The following MAP7 variants were observed in gnomAD, a reference collection of about 807,000 sequenced individuals.
The protein encoded by MAP7 is microtubule associated protein 7.
Under a neutral mutation model 94.8 loss-of-function variants are expected in MAP7, and 52 were observed. The observed-to-expected ratio is 0.55, with a 90% CI of 0.44 to 0.69. The LOEUF is 0.69. Ranked by LOEUF, MAP7 falls within the 30% of genes least tolerant of loss-of-function variation. The pLI, the probability that MAP7 is intolerant of heterozygous loss-of-function variation, is 0.00. For missense variants in MAP7, 940 were observed against 964.6 expected, an observed-to-expected ratio of 0.97 and a Z score of 0.34; for synonymous variants, 350 against 357.0, an observed-to-expected ratio of 0.98 and a Z score of 0.22.
At chr6:136,375,696 C>T (rs756594197) in intron 7 of MAP7, among the ~76,000 whole-genome samples, 11 of 152,230 alleles carry the variant, frequency 7.2e-5, no homozygotes, top group Non-Finnish European at 1.0e-4. Flanking sequence ...ATCGATGAAA[C>T]TGGTGACAAT....
At chr6:136,426,457 C>T (rs921697186) in intron 1 of MAP7, among the ~76,000 whole-genome samples, 1 of 152,112 alleles carries the variant, frequency 6.6e-6, no homozygotes, top group South Asian at 2.1e-4. Context: ...CAACAATAGA[C>T]CGATTCAATT....
chr6:136,505,615 C>A (rs1031577695), intron 1 of MAP7, among the ~76,000 whole-genome samples: 5 of 151,610 alleles, frequency 3.3e-5, no homozygotes, highest in Non-Finnish European at 7.4e-5. Flanking sequence ...AGGGACACAT[C>A]GAAAGGAACA....
chr6:136,517,639 A>G (rs1256109022), intron 1 of MAP7, among the ~76,000 whole-genome samples: 1 of 152,206 alleles, frequency 6.6e-6, no homozygotes, highest in African/African-American at 2.4e-5. Flanking sequence ...TTAAATATTA[A>G]TAACAGTAAT....
intron 7 of MAP7, among the ~76,000 whole-genome samples, chr6:136,373,314 C>A (rs1775135826): frequency 6.6e-6 from 1 of 152,080 alleles, no homozygotes; most frequent in Non-Finnish European, 1.5e-5. Flanking sequence ...TTCCCAAAAG[C>A]CAAGGCATTT....
At chr6:136,356,390 T>A (rs1330598438) in intron 16 of MAP7, among the ~76,000 whole-genome samples, 1 of 152,160 alleles carries the variant, frequency 6.6e-6, no homozygotes, top group African/African-American at 2.4e-5. Context: ...GGTCTAGAAC[T>A]CTCAGCCTTA....
chr6:136,454,072 C>A (rs536387006), intron 1 of MAP7, among the ~76,000 whole-genome samples: 6 of 152,008 alleles, frequency 3.9e-5, no homozygotes, highest in South Asian at 2.1e-4. Context: ...CCTTGTCTAC[C>A]GAGGAACATA....
At chr6:136,417,829 A>G (rs1790004960) in intron 2 of MAP7, among the ~76,000 whole-genome samples, 1 of 152,174 alleles carries the variant, frequency 6.6e-6, no homozygotes, top group South Asian at 2.1e-4. Flanking sequence ...CTCCTCTATG[A>G]GGGCAAATTA....
intron 15 of MAP7, among the ~76,000 whole-genome samples, chr6:136,358,603 C>T (rs1791643594): frequency 6.6e-6 from 1 of 152,178 alleles, no homozygotes; most frequent in Non-Finnish European, 1.5e-5. Flanking sequence ...TAATACTTTA[C>T]ATTTGAAAAC....
intron 1 of MAP7, among the ~76,000 whole-genome samples, chr6:136,518,088 T>C (rs999188117): frequency 1.3e-5 from 2 of 152,198 alleles, no homozygotes; most frequent in South Asian, 2.1e-4. Context: ...TGGAGGTGGC[T>C]CGAGCCTCCA....
intron 1 of MAP7, among the ~76,000 whole-genome samples, chr6:136,467,116 A>T (rs1443861988): frequency 6.6e-6 from 1 of 152,200 alleles, no homozygotes; most frequent in Non-Finnish European, 1.5e-5. Flanking sequence ...GTTGCTAAAC[A>T]TCAGCTCGGT....
intron 10 of MAP7, among the ~76,000 whole-genome samples, chr6:136,363,856 G>A (rs2128575385): frequency 6.6e-6 from 1 of 152,298 alleles, no homozygotes; most frequent in Non-Finnish European, 1.5e-5. Context: ...TGGCAACCAT[G>A]TTTAGGAATC....
At chr6:136,480,785 G>A (rs1204061701) in intron 1 of MAP7, among the ~76,000 whole-genome samples, 1 of 151,486 alleles carries the variant, frequency 6.6e-6, no homozygotes, top group East Asian at 1.9e-4. Context: ...ATCACTTCAT[G>A]TTAAAAAGCT....
At chr6:136,539,786 C>G (rs572580425) in intron 1 of MAP7, among the ~76,000 whole-genome samples, 1 of 152,250 alleles carries the variant, frequency 6.6e-6, no homozygotes, top group South Asian at 2.1e-4. Flanking sequence ...TGAAACCCGC[C>G]TGGGCAACAT....
At chr6:136,369,403 C>T (rs1178971652) in intron 8 of MAP7, among the ~76,000 whole-genome samples, 4 of 152,036 alleles carry the variant, frequency 2.6e-5, no homozygotes, top group African/African-American at 9.7e-5. Context: ...GCGAAACCCT[C>T]TCTCTACTAA....
At chr6:136,507,861 G>T (rs1469553302) in intron 1 of MAP7, among the ~76,000 whole-genome samples, 1 of 152,116 alleles carries the variant, frequency 6.6e-6, no homozygotes, top group Non-Finnish European at 1.5e-5. Context: ...ATGGGCTCTG[G>T]ACTGGCTCCA....
intron 3 of MAP7, among the ~76,000 whole-genome samples, chr6:136,400,455 T>TA (rs1222847493): frequency 1.3e-5 from 2 of 151,354 alleles, no homozygotes; most frequent in East Asian, 3.9e-4. Context: ...CAACATTTTT[T>TA]AAAAAAAGCC....
intron 1 of MAP7, among the ~76,000 whole-genome samples, chr6:136,503,004 T>C (rs1377822945): frequency 2.6e-5 from 4 of 152,178 alleles, no homozygotes; most frequent in Non-Finnish European, 5.9e-5. Context: ...AAAACCACAG[T>C]CATGGATAGC....
At chr6:136,492,015 G>T (rs1221319978) in intron 1 of MAP7, among the ~76,000 whole-genome samples, 2 of 152,284 alleles carry the variant, frequency 1.3e-5, no homozygotes, top group East Asian at 3.9e-4. Context: ...CTCAACCCAT[G>T]AGTTTATATT....
At chr6:136,381,838 C>T (rs144844960) in intron 6 of MAP7, among the ~76,000 whole-genome samples, 324 of 148,928 alleles carry the variant, frequency 2.2e-3, no homozygotes, top group Middle Eastern at 0.017. Flanking sequence ...ACGCTGATGT[C>T]CTATGTCCTA....
Sources: allele counts gnomAD v4.1 joint callset (sites outside exome capture counted in the v4.1 genomes callset), GRCh38; gene constraint gnomAD v4.1.1; transcripts MANE v1.5; gene names NCBI Gene and HGNC (gene_info 2026-07-23, HGNC 2026-07-21).